WDR37: variants seen among roughly 807,000 people sequenced by gnomAD.
The protein encoded by WDR37 is WD repeat domain 37, also known as WD repeat-containing protein 37.
WDR37 carries 19 observed loss-of-function variants against 62.9 expected under a neutral mutation model. The ratio of observed to expected loss-of-function variants is 0.30; its 90% CI spans 0.21 to 0.44. WDR37 has a LOEUF of 0.44. WDR37 is among the 20% of genes least tolerant of loss of function. The pLI, the probability that WDR37 is intolerant of heterozygous loss-of-function variation, is 1.00. For missense variants in WDR37, 474 were observed against 657.6 expected, an observed-to-expected ratio of 0.72 and a Z score of 3.05; for synonymous variants, 250 against 260.9, an observed-to-expected ratio of 0.96 and a Z score of 0.40.
intron 6 of WDR37, among the ~76,000 whole-genome samples, chr10:1,085,154 T>C (rs776728518): frequency 1.3e-4 from 20 of 152,104 alleles, no homozygotes; most frequent in South Asian, 8.3e-4. Context: ...TTTGTATTTT[T>C]AGTAGAGGCG....
At chr10:1,089,425 G>A (rs763102631) in intron 7 of WDR37, among the ~76,000 whole-genome samples, 6 of 152,148 alleles carry the variant, frequency 3.9e-5, no homozygotes, top group Non-Finnish European at 7.3e-5. Flanking sequence ...TTCAAGCCTT[G>A]TGTTTATTTT....
intron 2 of WDR37, among the ~76,000 whole-genome samples, chr10:1,076,706 A>C (rs910549695): frequency 2.0e-5 from 3 of 148,904 alleles, no homozygotes; most frequent in African/African-American, 7.4e-5. Flanking sequence ...TTTACGACTC[A>C]TCAGAATAAA....
chr10:1,104,422 C>T (rs543777365), intron 10 of WDR37, among the ~76,000 whole-genome samples: 4 of 152,358 alleles, frequency 2.6e-5, no homozygotes, highest in Admixed American at 6.5e-5. Context: ...ACACAGCAGC[C>T]GCTTTCCTCT....
chr10:1,107,283 C>T (rs940702737), intron 11 of WDR37, among the ~76,000 whole-genome samples: 2 of 147,054 alleles, frequency 1.4e-5, no homozygotes, highest in African/African-American at 5.1e-5. Flanking sequence ...CCTGGGCCCA[C>T]CACCTGGCAC....
chr10:1,074,453 C>T (rs41314948), intron 2 of WDR37: 223 of 1,304,420 alleles, frequency 1.7e-4, no homozygotes, highest in Non-Finnish European at 1.9e-4. Context: ...GCTCCCTAGA[C>T]GGAGCTCATT....
chr10:1,059,746 G>A (rs1458307269), intron 1 of WDR37, among the ~76,000 whole-genome samples: 3 of 152,056 alleles, frequency 2.0e-5, no homozygotes, highest in African/African-American at 7.2e-5. Flanking sequence ...GCAGTGGGTC[G>A]AGATCGCGCC....
chr10:1,124,450 C>T, intron 12 of WDR37, 98 bp downstream of exon 12: 1 of 1,528,104 alleles, frequency 6.5e-7, no homozygotes, highest in Middle Eastern at 1.7e-4. Context: ...TTGATAGAAC[C>T]CCGGGAACAA....
intron 11 of WDR37, among the ~76,000 whole-genome samples, chr10:1,120,227 C>T (rs1277355534): frequency 2.6e-5 from 4 of 152,194 alleles, no homozygotes; most frequent in South Asian, 2.1e-4. Context: ...TGCATTTGGG[C>T]TGCCTGGCTG....
intron 11 of WDR37, among the ~76,000 whole-genome samples, chr10:1,114,015 G>A (rs1037319908): frequency 4.5e-5 from 6 of 133,002 alleles, no homozygotes; most frequent in African/African-American, 1.7e-4. Flanking sequence ...ATAGTGCAGT[G>A]GTGCTATCTT....
chr10:1,084,338 C>G (rs946012700), intron 5 of WDR37, 65 bp from the exon 6 acceptor site: 4 of 1,577,874 alleles, frequency 2.5e-6, no homozygotes, highest in Non-Finnish European at 8.6e-7. Flanking sequence ...TTCGTTTTCT[C>G]TTTCTTGACT....
At chr10:1,089,471 C>G (rs1350325541) in intron 7 of WDR37, among the ~76,000 whole-genome samples, 1 of 152,134 alleles carries the variant, frequency 6.6e-6, no homozygotes, top group Non-Finnish European at 1.5e-5. Flanking sequence ...ATTAATTCCA[C>G]TAGGGGGTCT....
chr10:1,072,915 CAAGAA>C (rs1019696240), intron 2 of WDR37, among the ~76,000 whole-genome samples: 20 of 152,168 alleles, frequency 1.3e-4, no homozygotes, highest in African/African-American at 3.1e-4. Context: ...CTAACAGTCT[CAAGAA>C]AAGAAGAGTA....
intron 1 of WDR37, among the ~76,000 whole-genome samples, chr10:1,059,083 A>C (rs530391904): frequency 5.9e-5 from 9 of 152,356 alleles, no homozygotes; most frequent in Admixed American, 5.9e-4. Context: ...AGTGTAAATT[A>C]AGAATTTGTT....
rs1402593025 is a variant in WDR37, at chr10:1,103,310, G to A, written c.727-292G>A. On this transcript the variant is annotated intron_variant, in intron 9 of 13. Coordinates refer to ENST00000263150, the MANE Select transcript of WDR37 (RefSeq NM_014023.4). This position sits in a 1 kb window ranked among gnomAD's most constrained non-coding sequence, Gnocchi z 6.3. ...TTAAATGTTGAAAATCATTTTATTT[G>A]CCATTCTGTTGATGCGTGGAAATAA... Among the ~76,000 whole-genome samples the A allele has an allele frequency of 6.6e-6, 1 of 152,062 alleles. No homozygotes were observed. Among genetic ancestry groups the A allele is most frequent in the Non-Finnish European group, 1.5e-5 (1 of 68,016 alleles).
At chr10:1,112,930 T>A (rs1325145888) in intron 11 of WDR37, among the ~76,000 whole-genome samples, 1 of 152,264 alleles carries the variant, frequency 6.6e-6, no homozygotes, top group African/African-American at 2.4e-5. Context: ...CTGCAGCAAG[T>A]TCTCCAGAAG....
At position 1,121,847 on chromosome 10, in the gene WDR37, G is replaced by A. The variant is rs747683320; in HGVS notation, c.1104-2371G>A. Among the ~76,000 whole-genome samples, 4 of 152,032 alleles carry A rather than the reference G, an allele frequency of 2.6e-5. No homozygotes were observed. The highest frequency in any genetic ancestry group is 4.4e-5 in the Non-Finnish European group (3 of 68,002). ...CCTTTGAGAATGCAGACGTGAAAACGGTCGCCGCCGCATCATCCTGACTGT... is the reference window on the plus strand; with the variant it reads ...CCTTTGAGAATGCAGACGTGAAAACAGTCGCCGCCGCATCATCCTGACTGT... On this transcript the variant is annotated intron_variant, in intron 11 of 13. Coordinates refer to ENST00000263150, the MANE Select transcript of WDR37 (RefSeq NM_014023.4). The surrounding 1 kb of genome is among the most constrained non-coding windows in gnomAD (Gnocchi z 4.5).
intron 9 of WDR37, 126 bp downstream of exon 9, chr10:1,096,372 C>T (rs1834576768): frequency 2.0e-6 from 2 of 1,010,146 alleles, no homozygotes; most frequent in Non-Finnish European, 3.0e-6. Flanking sequence ...AAGGCCTCAC[C>T]CCCGGTATGG....
intron 1 of WDR37, among the ~76,000 whole-genome samples, chr10:1,065,641 G>A (rs1205686254): frequency 6.6e-6 from 1 of 151,754 alleles, no homozygotes; most frequent in Admixed American, 6.6e-5. Context: ...ACTCATTCGT[G>A]AAAGAAACTC....
chr10:1,107,615 G>A (rs1350417943), intron 11 of WDR37, among the ~76,000 whole-genome samples: 1 of 151,018 alleles, frequency 6.6e-6, no homozygotes, highest in Non-Finnish European at 1.5e-5. Context: ...CTGTTGTATT[G>A]CAGCACCGCT....
Sources: gnomAD v4.1 joint callset for allele counts (sites outside exome capture counted in the v4.1 genomes callset) on GRCh38, gnomAD v4.1.1 for gene constraint, Gnocchi (gnomAD v3.1) non-coding constraint, MANE v1.5 for transcripts, NCBI Gene and HGNC (gene_info 2026-07-23, HGNC 2026-07-21) for gene names.